RBFOX3: variants seen among roughly 807,000 people sequenced by gnomAD.
RBFOX3 encodes the protein RNA binding protein fox-1 homolog 3.
In RBFOX3, 17 loss-of-function variants were observed where a neutral mutation model predicts 48.7. The ratio of observed to expected loss-of-function variants is 0.35; its 90% CI spans 0.24 to 0.52. The LOEUF is 0.52. RBFOX3 is among the 20% of genes least tolerant of loss of function. The pLI, the probability that RBFOX3 is intolerant of heterozygous loss-of-function variation, is 0.94. For synonymous variants in RBFOX3, 212 were observed against 209.5 expected (o/e 1.01, Z -0.10); for missense variants, 382 against 497.5 (o/e 0.77, Z 2.21).
intron 2 of RBFOX3, among the ~76,000 whole-genome samples, chr17:79,371,712 G>T (rs2058564967): frequency 6.6e-6 from 1 of 152,164 alleles, no homozygotes; most frequent in South Asian, 2.1e-4. Context: ...TCTCGAAAAT[G>T]TGGAAACCAC....
chr17:79,430,569 CAG>C, intron 2 of RBFOX3, among the ~76,000 whole-genome samples: 1 of 152,332 alleles, frequency 6.6e-6, no homozygotes, highest in Non-Finnish European at 1.5e-5. Context: ...TTGTTTGAGA[CAG>C]AGTCTCACTG....
At chr17:79,644,978 A>C in the RBFOX3 span, among the ~76,000 whole-genome samples, 1 of 152,218 alleles carries the variant, frequency 6.6e-6, no homozygotes, top group Non-Finnish European at 1.5e-5. Flanking sequence ...AGAAAAACAA[A>C]ACACCTGTAG....
chr17:79,361,833 T>C lies in RBFOX3; in HGVS notation c.-174-54009A>G, dbSNP rs2086413065. 6.6e-6 allele frequency among the ~76,000 whole-genome samples: 1 copy of C among 152,284 alleles called. No individual in the cohort carries two copies. Among genetic ancestry groups the C allele is most frequent in the African/African-American group, 2.4e-5 (1 of 41,482 alleles). Reference sequence around the variant, plus strand: ...CAGTTCTTGCCATTTCATCTTGATTTAGTCATTTTTATATGGCTCACAAGG... The same window carrying C: ...CAGTTCTTGCCATTTCATCTTGATTCAGTCATTTTTATATGGCTCACAAGG... On this transcript the variant is annotated intron_variant, in intron 2 of 14. Transcript: ENST00000693108. This position sits in a 1 kb window ranked among gnomAD's most constrained non-coding sequence, Gnocchi z 4.5.
Position 79,391,831 on chromosome 17 carries a change from C to G in RBFOX3, c.-174-84007G>C, listed in dbSNP as rs1313849072. On this transcript the variant is annotated intron_variant, in intron 2 of 14. Coordinates refer to ENST00000693108, the MANE Select transcript of RBFOX3 (RefSeq NM_001350451.2). The surrounding 1 kb of genome is among the most constrained non-coding windows in gnomAD (Gnocchi z 5.0). Reference sequence around the variant, plus strand: ...GCATGTGTTTGGGGGACAGCACACCCCCGCTCTGATCCTCGGTTTCCGAAT... The same window carrying G: ...GCATGTGTTTGGGGGACAGCACACCGCCGCTCTGATCCTCGGTTTCCGAAT... Among the ~76,000 whole-genome samples, 1 of 152,100 alleles carries G rather than the reference C, an allele frequency of 6.6e-6. No individual in the cohort carries two copies. Among genetic ancestry groups the G allele is most frequent in the East Asian group, 1.9e-4 (1 of 5,192 alleles).
chr17:79,227,438 C>T (rs1406915686), intron 4 of RBFOX3, among the ~76,000 whole-genome samples: 3 of 152,192 alleles, frequency 2.0e-5, no homozygotes, highest in South Asian at 2.1e-4. Context: ...AGCATCAGCT[C>T]GTCCAGGGCA....
At chr17:79,448,820 C>T (rs920239740) in intron 2 of RBFOX3, among the ~76,000 whole-genome samples, 1 of 152,290 alleles carries the variant, frequency 6.6e-6, no homozygotes, top group East Asian at 1.9e-4. Context: ...TAGGCCATCT[C>T]CCTCTCCCCA....
At chr17:79,554,919 T>C (rs2091498073) in intron 1 of RBFOX3, among the ~76,000 whole-genome samples, 1 of 152,074 alleles carries the variant, frequency 6.6e-6, no homozygotes, top group Non-Finnish European at 1.5e-5. Context: ...CTCCAAACCA[T>C]AGAACATCAA....
chr17:79,097,755 A>C lies in RBFOX3; in HGVS notation c.569-10T>G. 6.4e-7 allele frequency: 1 copy of C among 1,551,320 alleles called. No individual in the cohort carries two copies. The highest frequency in any genetic ancestry group is 8.7e-7 in the Non-Finnish European group (1 of 1,146,842). On this transcript the variant is annotated splice_polypyrimidine_tract_variant and intron_variant, in intron 9 of 14. Coordinates refer to ENST00000693108, the MANE Select transcript of RBFOX3 (RefSeq NM_001350451.2). ...GGATTTAGCTTCCAGCCTAAAACAA[A>C]GGCACAGAGACCTAGTCACTGCCTT...
At chr17:79,528,774 G>A (rs547635158) in intron 1 of RBFOX3, among the ~76,000 whole-genome samples, 186 of 152,188 alleles carry the variant, frequency 1.2e-3, no homozygotes, top group African/African-American at 4.1e-3. Context: ...AAGCCAGGAA[G>A]AGGGGAGGGA....
At chr17:79,231,171 G>C (rs1433489249) in intron 4 of RBFOX3, among the ~76,000 whole-genome samples, 1 of 152,210 alleles carries the variant, frequency 6.6e-6, no homozygotes, top group East Asian at 1.9e-4. Context: ...GGAGTTATAA[G>C]ACAGAGCAAT....
chr17:79,122,000 G>C (rs934595066), intron 4 of RBFOX3, among the ~76,000 whole-genome samples: 30 of 152,106 alleles, frequency 2.0e-4, no homozygotes, highest in African/African-American at 7.2e-4. Flanking sequence ...GACCTCCTCC[G>C]CATTGCCCCC....
At chr17:79,491,496 T>C (rs1004123359) in intron 1 of RBFOX3, among the ~76,000 whole-genome samples, 6 of 151,920 alleles carry the variant, frequency 3.9e-5, no homozygotes, top group African/African-American at 1.5e-4. Flanking sequence ...GGTGATCCAA[T>C]GGCCTACGGA....
intron 1 of RBFOX3, among the ~76,000 whole-genome samples, chr17:79,605,043 G>A (rs1379715572): frequency 6.6e-6 from 1 of 152,156 alleles, no homozygotes; most frequent in Non-Finnish European, 1.5e-5. Flanking sequence ...AGGAGACGTG[G>A]ATGAGAAGGA....
chr17:79,405,810 T>C (rs942769179), intron 2 of RBFOX3, among the ~76,000 whole-genome samples: 31 of 152,222 alleles, frequency 2.0e-4, no homozygotes, highest in Non-Finnish European at 1.2e-4. Context: ...ATGCAGACCA[T>C]GCCCCTCAGG....
intron 2 of RBFOX3, among the ~76,000 whole-genome samples, chr17:79,329,624 C>A (rs1014995727): frequency 2.0e-5 from 3 of 152,162 alleles, no homozygotes; most frequent in African/African-American, 7.2e-5. Flanking sequence ...GCAATACCCT[C>A]TGGTCCATGT....
At chr17:79,531,093 C>T (rs1039739903) in intron 1 of RBFOX3, among the ~76,000 whole-genome samples, 2 of 152,252 alleles carry the variant, frequency 1.3e-5, no homozygotes, top group African/African-American at 4.8e-5. Context: ...CAATCGTTTG[C>T]GCAGAGCCTG....
chr17:79,188,771 G>C, intron 4 of RBFOX3, among the ~76,000 whole-genome samples: 1 of 152,218 alleles, frequency 6.6e-6, no homozygotes, highest in Non-Finnish European at 1.5e-5. Context: ...TCTACACCGA[G>C]CAAAAGGAAC....
the RBFOX3 span, among the ~76,000 whole-genome samples, chr17:79,623,823 T>TAAAAAAAAAAA: frequency 1.1e-4 from 12 of 106,000 alleles, no homozygotes; most frequent in African/African-American, 4.7e-4. Context: ...ACTCTGTCTC[T>TAAAAAAAAAAA]AAAAAAAAAA....
intron 3 of RBFOX3, among the ~76,000 whole-genome samples, chr17:79,281,172 T>A (rs2070376565): frequency 6.6e-6 from 1 of 152,228 alleles, no homozygotes; most frequent in Non-Finnish European, 1.5e-5. Context: ...GCTTTATTTG[T>A]AAAATGGGAA....
Sources: gnomAD v4.1 joint callset for allele counts (sites outside exome capture counted in the v4.1 genomes callset) on GRCh38, gnomAD v4.1.1 for gene constraint, Gnocchi (gnomAD v3.1) non-coding constraint, MANE v1.5 for transcripts, NCBI Gene and HGNC (gene_info 2026-07-23, HGNC 2026-07-21) for gene names.